The following SMIM14 variants were observed in gnomAD, a reference collection of about 807,000 sequenced individuals.
The protein encoded by SMIM14 is chromosome 4 open reading frame 34.
SMIM14 carries 5 observed loss-of-function variants against 12.6 expected under a neutral mutation model. That is an observed-to-expected ratio of 0.40 (90% CI 0.21 to 0.83). The LOEUF (loss-of-function observed/expected upper bound fraction) is 0.83. Ranked by LOEUF, SMIM14 falls within the 40% of genes least tolerant of loss-of-function variation. The pLI is 0.37. For synonymous variants in SMIM14, 30 were observed against 40.1 expected (o/e 0.75, Z 0.95); for missense variants, 86 against 119.1 (o/e 0.72, Z 1.29).
intron 1 of SMIM14, among the ~76,000 whole-genome samples, chr4:39,618,089 A>C (rs1715289594): frequency 6.6e-6 from 1 of 152,174 alleles, no homozygotes; most frequent in African/African-American, 2.4e-5. Context: ...AAGCAAGCCC[A>C]CTTCTTCAGA....
intron 1 of SMIM14, among the ~76,000 whole-genome samples, chr4:39,607,698 T>C (rs571348693): frequency 6.6e-6 from 1 of 152,308 alleles, no homozygotes; most frequent in South Asian, 2.1e-4. Flanking sequence ...TTTTTTAAAT[T>C]ATAAATACAA....
intron 1 of SMIM14, among the ~76,000 whole-genome samples, chr4:39,611,518 A>G (rs555766915): frequency 6.6e-6 from 1 of 151,984 alleles, no homozygotes; most frequent in Non-Finnish European, 1.5e-5. Flanking sequence ...AAAAAAAAAA[A>G]AAACAATTAG....
chr4:39,569,878 A>G (rs1363179199), intron 3 of SMIM14, among the ~76,000 whole-genome samples: 3 of 152,188 alleles, frequency 2.0e-5, no homozygotes, highest in African/African-American at 7.2e-5. Flanking sequence ...ACACAACCCT[A>G]CAGACTTAAT....
At chr4:39,626,442 T>C (rs1376331339) in intron 1 of SMIM14, among the ~76,000 whole-genome samples, 1 of 152,166 alleles carries the variant, frequency 6.6e-6, no homozygotes, top group Non-Finnish European at 1.5e-5. Context: ...TCTGAAAGCT[T>C]CAGTAATTTG....
intron 2 of SMIM14, among the ~76,000 whole-genome samples, chr4:39,578,685 G>A (rs1713330141): frequency 1.3e-5 from 2 of 151,940 alleles, no homozygotes; most frequent in African/African-American, 4.8e-5. Flanking sequence ...AGTTCTTGAG[G>A]TGAGGAAACT....
At chr4:39,559,228 T>A (rs939723319) in intron 3 of SMIM14, among the ~76,000 whole-genome samples, 2 of 151,924 alleles carry the variant, frequency 1.3e-5, no homozygotes, top group African/African-American at 4.8e-5. Flanking sequence ...GACTGCAACA[T>A]CTCTACGAAA....
At chr4:39,592,875 G>C (rs1320333984) in intron 2 of SMIM14, 16 of 152,130 alleles carry the variant, frequency 1.1e-4, no homozygotes, top group Admixed American at 1.0e-3. Context: ...TCTCTGAATA[G>C]ACCAATAACA....
At chr4:39,611,986 G>A (rs1715052512) in intron 1 of SMIM14, 1 of 151,834 alleles carries the variant, frequency 6.6e-6, no homozygotes, top group Non-Finnish European at 1.5e-5. Flanking sequence ...GGGAGAAGGG[G>A]AGGTGAGAAT....
chr4:39,568,992 G>A lies in SMIM14; in HGVS notation c.124+3423C>T, dbSNP rs186444888. On this transcript the variant is annotated intron_variant, in intron 3 of 4. Coordinates refer to ENST00000295958, the MANE Select transcript of SMIM14 (RefSeq NM_174921.3). ...GGAATGACTATATTTGGTTATAGGC[G>A]GGGCTGGTTAAAGAGTCACAAAAGC... Among the ~76,000 whole-genome samples the A allele has an allele frequency of 3.0e-3, 462 of 152,266 alleles. 3 individuals carry two copies. The highest frequency in any genetic ancestry group is 0.01 in the African/African-American group (429 of 41,560).
At chr4:39,583,323 C>T (rs1182968568) in intron 2 of SMIM14, among the ~76,000 whole-genome samples, 1 of 152,032 alleles carries the variant, frequency 6.6e-6, no homozygotes, top group East Asian at 1.9e-4. Flanking sequence ...GTCTCAAACT[C>T]CTGGGCTCAA....
intron 2 of SMIM14, among the ~76,000 whole-genome samples, chr4:39,604,374 T>G (rs1714726026): frequency 6.6e-6 from 1 of 151,622 alleles, no homozygotes; most frequent in Non-Finnish European, 1.5e-5. Context: ...CAGTCTCTAC[T>G]AAAAATGCAA....
Position 39,552,109 on chromosome 4 carries a change from C to T in SMIM14, c.*17G>A, listed in dbSNP as rs1560279875. 4 of 1,589,370 alleles carry T rather than the reference C, an allele frequency of 2.5e-6. No homozygotes were observed. Among genetic ancestry groups the T allele is most frequent in the Non-Finnish European group, 3.4e-6 (4 of 1,167,386 alleles). On this transcript the variant is annotated 3_prime_UTR_variant, in exon 5 of 5. Transcript: ENST00000295958. ...TCGTGCAAGGTGTTAACTATTTTCA[C>T]TTCCCATATCACAAAGTTAGTCCAC...
chr4:39,622,970 C>T (rs1383691906), intron 1 of SMIM14, among the ~76,000 whole-genome samples: 8 of 152,048 alleles, frequency 5.3e-5, no homozygotes, highest in African/African-American at 9.7e-5. Flanking sequence ...GGCAGGGGAA[C>T]GGTTACAGAT....
At chr4:39,564,863 C>A (rs1388895537) in intron 3 of SMIM14, among the ~76,000 whole-genome samples, 1 of 152,028 alleles carries the variant, frequency 6.6e-6, no homozygotes, top group Non-Finnish European at 1.5e-5. Flanking sequence ...TCATGGAGGC[C>A]AATGTGGCTG....
In SMIM14 at chr4:39,551,435, A is replaced by ATGTT. The variant is rs1163611690; in HGVS notation, c.*687_*690dup. 3 of 152,654 alleles carry ATGTT rather than the reference A, an allele frequency of 2.0e-5. No individual in the cohort carries two copies. The highest frequency in any genetic ancestry group is 6.5e-5 in the Admixed American group (1 of 15,268). 9.5% of individuals were successfully genotyped at this position (152,654 alleles called of 1,614,324 possible). ...AAATCATCTGCCATATTGATCAATC[A>ATGTT]TGTTTATTTAAGGTTTTCTTAACAT... On this transcript the variant is annotated 3_prime_UTR_variant, in exon 5 of 5. Transcript: ENST00000295958.
At chr4:39,587,142 C>T (rs868537754) in intron 2 of SMIM14, among the ~76,000 whole-genome samples, 2 of 151,956 alleles carry the variant, frequency 1.3e-5, no homozygotes, top group Admixed American at 6.6e-5. Context: ...TGTATATATA[C>T]TATGATCCCT....
Position 39,615,609 on chromosome 4 carries a change from G to T in SMIM14, c.-35-10429C>A, listed in dbSNP as rs551527946. ...TGGTGTCGGATAGTAGGGAAGCTAT[G>T]CATGTGTGGGGGCAGGGGATATATG... is the stretch of plus-strand genomic sequence containing the variant. On this transcript the variant is annotated intron_variant, in intron 1 of 4. Coordinates refer to ENST00000295958, the MANE Select transcript of SMIM14 (RefSeq NM_174921.3). 9.2e-5 allele frequency among the ~76,000 whole-genome samples: 14 copies of T among 152,254 alleles called. No individual in the cohort carries two copies. In the South Asian group the frequency reaches 2.9e-3, roughly 32 times the overall value.
At position 39,576,680 on chromosome 4, in the gene SMIM14, ATATATTTTTTTTTTTTTTTTTTTTTTT is replaced by A. The variant is rs1713205639; in HGVS notation, c.76-4244_76-4218del. On this transcript the variant is annotated intron_variant, in intron 2 of 4. Coordinates refer to ENST00000295958, the MANE Select transcript of SMIM14 (RefSeq NM_174921.3). The stretch of plus-strand genomic sequence containing the variant: ...TATGTGTATATATATATATATATAT[ATATATTTTTTTTTTTTTTTTTTTTTTT>A]TTTTTTTTTTTTTTTTTGAGACGGA... 1.6e-4 allele frequency among the ~76,000 whole-genome samples: 5 copies of A among 30,630 alleles called. 1 individual carries two copies. Among genetic ancestry groups the A allele is most frequent in the African/African-American group, 7.1e-4 (5 of 7,092 alleles). 20.1% of individuals were successfully genotyped at this position (30,630 alleles called of 152,430 possible).
intron 1 of SMIM14, among the ~76,000 whole-genome samples, chr4:39,621,282 G>A (rs887379175): frequency 1.3e-5 from 2 of 149,822 alleles, no homozygotes; most frequent in Non-Finnish European, 3.0e-5. Context: ...ATAAGACTGT[G>A]CATTTAAAAA....
Sources: gnomAD v4.1 joint callset for allele counts (sites outside exome capture counted in the v4.1 genomes callset) on GRCh38, gnomAD v4.1.1 for gene constraint, MANE v1.5 for transcripts, NCBI Gene and HGNC (gene_info 2026-07-23, HGNC 2026-07-21) for gene names.